TTC3: variants seen among roughly 807,000 people sequenced by gnomAD.
TTC3 encodes tetratricopeptide repeat domain 3, also known as E3 ubiquitin-protein ligase TTC3.
Under a neutral mutation model 249.6 loss-of-function variants are expected in TTC3, and 180 were observed. That is an observed-to-expected ratio of 0.72 (90% CI 0.64 to 0.82). The LOEUF (loss-of-function observed/expected upper bound fraction) is 0.82, where lower values mean the gene tolerates loss of function less well. Among genes scored for constraint, TTC3 ranks in the 40% least tolerant of loss-of-function variants. The pLI is 0.00. For missense variants in TTC3, 2,061 were observed against 2,398.4 expected (o/e 0.86, Z 2.94); for synonymous variants, 717 against 805.0 (o/e 0.89, Z 1.85).
chr21:37,114,933 C>CA (rs1194465045), intron 11 of TTC3, among the ~76,000 whole-genome samples: 3 of 151,768 alleles, frequency 2.0e-5, no homozygotes, highest in Non-Finnish European at 4.4e-5. Context: ...GTTGCAGGGA[C>CA]AAAAAACCAA....
chr21:37,162,738 T>C (rs1205354253), intron 31 of TTC3, among the ~76,000 whole-genome samples: 1 of 152,158 alleles, frequency 6.6e-6, no homozygotes, highest in Non-Finnish European at 1.5e-5. Flanking sequence ...CTTAGTCAGT[T>C]TGGGCTGCTA....
At position 37,101,923 on chromosome 21, in the gene TTC3, T is replaced by C. The variant is rs1180026304; in HGVS notation, c.845+5280T>C. Among the ~76,000 whole-genome samples, 3 of 148,466 alleles carry C rather than the reference T, an allele frequency of 2.0e-5. No homozygotes were observed. The Admixed American group carries it at 2.0e-4, about 10-fold the overall frequency. The stretch of plus-strand genomic sequence containing the variant: ...GTATTATATTAGTATATAGTTTATA[T>C]ATATATATTAGTTTATATTAGTATA... On this transcript the variant is annotated intron_variant, in intron 10 of 45. Coordinates refer to ENST00000355666, the Ensembl canonical transcript of TTC3.
At chr21:37,160,412 A>G (rs989326332) in intron 29 of TTC3, among the ~76,000 whole-genome samples, 4 of 152,180 alleles carry the variant, frequency 2.6e-5, no homozygotes, top group African/African-American at 9.7e-5. Context: ...TTCTTTATTC[A>G]CTGTTTGTGC....
chr21:37,168,941 G>T (rs943434784), intron 34 of TTC3, among the ~76,000 whole-genome samples: 1 of 152,188 alleles, frequency 6.6e-6, no homozygotes, highest in Non-Finnish European at 1.5e-5. Flanking sequence ...GCAAGCGGAT[G>T]TTGGCAGTTG....
intron 18 of TTC3, among the ~76,000 whole-genome samples, chr21:37,137,951 C>CA (rs200928211): frequency 0.011 from 1,559 of 141,258 alleles, 15 homozygotes; most frequent in East Asian, 0.032. Context: ...TTGATGGGTG[C>CA]AGCAAACCAC....
intron 41 of TTC3, among the ~76,000 whole-genome samples, chr21:37,192,751 C>T (rs368236385): frequency 6.6e-6 from 1 of 152,164 alleles, no homozygotes; most frequent in African/African-American, 2.4e-5. Flanking sequence ...TCCGGCACAT[C>T]ATATTTTACT....
intron 5 of TTC3, 21 bp downstream of exon 5, chr21:37,088,907 T>C (rs749253454): frequency 2.4e-5 from 39 of 1,604,294 alleles, no homozygotes; most frequent in Middle Eastern, 3.3e-4. Flanking sequence ...GAATGTAGGT[T>C]CCCCCGAGCC....
chr21:37,094,970 C>CA (rs1255811672), intron 8 of TTC3, among the ~76,000 whole-genome samples: 4 of 151,988 alleles, frequency 2.6e-5, no homozygotes, highest in Admixed American at 2.0e-4. Flanking sequence ...CTGGTCTCTA[C>CA]AAAAAATTTT....
At chr21:37,167,555 G>T in exon 34 of TTC3, 1 of 1,606,358 alleles carries the variant, frequency 6.2e-7, no homozygotes. Context: ...TTGCCCACAG[G>T]TATCTTGGAA....
intron 10 of TTC3, chr21:37,098,026 A>G (rs2074115509): frequency 1.5e-6 from 1 of 687,562 alleles, no homozygotes; most frequent in Admixed American, 2.2e-5. Context: ...AACGTTATGC[A>G]GCTTTTAGAT....
chr21:37,135,943 C>CG (rs565463122), intron 18 of TTC3, among the ~76,000 whole-genome samples: 70 of 152,330 alleles, frequency 4.6e-4, no homozygotes, highest in Admixed American at 4.6e-3. Flanking sequence ...GTGCTCACCT[C>CG]ATGTCTCTGT....
At chr21:37,188,883 A>G (rs1421206711) in intron 39 of TTC3, among the ~76,000 whole-genome samples, 1 of 152,240 alleles carries the variant, frequency 6.6e-6, no homozygotes, top group Non-Finnish European at 1.5e-5. Flanking sequence ...ATTTATTTTC[A>G]TATTGGTAAT....
chr21:37,109,477 C>T (rs2075409180), intron 11 of TTC3, among the ~76,000 whole-genome samples: 1 of 152,226 alleles, frequency 6.6e-6, no homozygotes, highest in Non-Finnish European at 1.5e-5. Flanking sequence ...GCACAGCAGT[C>T]TGAGATCAAA....
intron 41 of TTC3, among the ~76,000 whole-genome samples, chr21:37,192,796 A>G (rs1045577059): frequency 1.3e-5 from 2 of 152,250 alleles, no homozygotes; most frequent in Non-Finnish European, 2.9e-5. Context: ...CTTGTTAATA[A>G]CAGTGAATAA....
intron 6 of TTC3, among the ~76,000 whole-genome samples, chr21:37,091,031 G>A (rs922351659): frequency 2.6e-5 from 4 of 152,196 alleles, no homozygotes; most frequent in Non-Finnish European, 5.9e-5. Context: ...TTGCAGGTCT[G>A]TAGTAATTGC....
At chr21:37,163,996 T>C in intron 31 of TTC3, 55 bp from the exon 32 acceptor site, 11 of 1,542,840 alleles carry the variant, frequency 7.1e-6, no homozygotes, top group Non-Finnish European at 8.7e-6. Context: ...GGTTAAATAA[T>C]AAACCAAAGG....
intron 34 of TTC3, 37 bp downstream of exon 34, chr21:37,167,657 G>A: frequency 1.3e-6 from 2 of 1,526,398 alleles, no homozygotes; most frequent in Non-Finnish European, 1.8e-6. Flanking sequence ...TAAAGGTTTA[G>A]TTTTCATTAA....
At chr21:37,084,254 A>G (rs1456642471) in intron 1 of TTC3, 1 of 152,264 alleles carries the variant, frequency 6.6e-6, no homozygotes, top group Admixed American at 6.5e-5. Flanking sequence ...AGCCAGACGA[A>G]TAGGAGGAAA....
At chr21:37,083,462 AGAG>A (rs1370139877) in intron 1 of TTC3, 2 of 950,666 alleles carry the variant, frequency 2.1e-6, no homozygotes, top group African/African-American at 3.5e-5. Flanking sequence ...AAATTAGTTC[AGAG>A]GAGAAACAGT....
Sources: gnomAD v4.1 joint callset for allele counts (sites outside exome capture counted in the v4.1 genomes callset) on GRCh38, gnomAD v4.1.1 for gene constraint, MANE v1.5 for transcripts, NCBI Gene and HGNC (gene_info 2026-07-23, HGNC 2026-07-21) for gene names.